EIF2AK3: variants seen among roughly 807,000 people sequenced by gnomAD.
EIF2AK3 encodes the protein eukaryotic translation initiation factor 2-alpha kinase 3.
A neutral mutation model predicts 113.5 loss-of-function variants in EIF2AK3; 50 were observed. The observed-to-expected ratio is 0.44, with a 90% CI of 0.35 to 0.56. The LOEUF is 0.56. Ranked by LOEUF, EIF2AK3 falls within the 20% of genes least tolerant of loss-of-function variation. The pLI is 0.00. For synonymous variants in EIF2AK3, 448 were observed against 495.4 expected (o/e 0.90, Z 1.27); for missense variants, 1,185 against 1,378.0 (o/e 0.86, Z 2.22).
intron 9 of EIF2AK3, among the ~76,000 whole-genome samples, chr2:88,585,167 TAGAG>T (rs1209556399): frequency 5.3e-5 from 8 of 152,028 alleles, no homozygotes; most frequent in Non-Finnish European, 8.8e-5. Flanking sequence ...AACTGACACA[TAGAG>T]AAGAAGAAAA....
At chr2:88,557,980 A>G (rs771437394) in intron 16 of EIF2AK3, 44 bp from the exon 17 acceptor site, 1 of 1,581,180 alleles carries the variant, frequency 6.3e-7, no homozygotes, top group Non-Finnish European at 8.7e-7. Context: ...GCCAGGTTTG[A>G]TCACTGTACA....
At chr2:88,593,456 T>G (rs749258911) in intron 3 of EIF2AK3, 51 bp from the exon 4 acceptor site, 24 of 1,600,000 alleles carry the variant, frequency 1.5e-5, no homozygotes, top group Non-Finnish European at 2.1e-5. Flanking sequence ...CAACTCATAA[T>G]AGATCAGAGA....
Position 88,627,415 on chromosome 2 carries a change from CT to C in EIF2AK3, c.-142del. 1.9e-6 allele frequency: 2 copies of C among 1,068,926 alleles called. No individual in the cohort carries two copies. The highest frequency in any genetic ancestry group is 2.4e-6 in the Non-Finnish European group (2 of 820,272). The allele number at this position is 1,068,926 out of a possible 1,614,324, so 66.2% of individuals were successfully genotyped here. On this transcript the variant is annotated 5_prime_UTR_variant, in exon 1 of 17. Transcript: ENST00000303236. Reference sequence around the variant, plus strand: ...GGCCTGGACAGCCAGCCGTGTTCCCCTGGCCACGTCTCAGCCCGGCCTCTGC... The same window carrying C: ...GGCCTGGACAGCCAGCCGTGTTCCCCGGCCACGTCTCAGCCCGGCCTCTGC...
chr2:88,606,586 C>G (rs1460311130), intron 2 of EIF2AK3, among the ~76,000 whole-genome samples: 1 of 152,108 alleles, frequency 6.6e-6, no homozygotes, highest in Non-Finnish European at 1.5e-5. Context: ...AGTTTGCGTG[C>G]AAATGAAAAA....
Position 88,557,508 on chromosome 2 carries a change from G to C in EIF2AK3, c.*228C>G, listed in dbSNP as rs1402020009. The C allele has an allele frequency of 7.0e-6, 4 of 570,462 alleles. No individual in the cohort carries two copies. 35.3% of individuals were successfully genotyped at this position (570,462 alleles called of 1,614,324 possible). ...GCTTGGCCAGCAGCCAGTTTCAAGA[G>C]ACTAACAAAGAACAAAGATAGCCCT... On this transcript the variant is annotated 3_prime_UTR_variant, in exon 17 of 17. Transcript: ENST00000303236.
At chr2:88,584,818 C>T (rs981137934) in intron 9 of EIF2AK3, among the ~76,000 whole-genome samples, 7 of 151,974 alleles carry the variant, frequency 4.6e-5, no homozygotes, top group South Asian at 2.1e-4. Flanking sequence ...CCAGGCTAAG[C>T]GAGAGCACGG....
intron 13 of EIF2AK3, chr2:88,574,419 C>T: frequency 1.8e-6 from 1 of 557,236 alleles, no homozygotes; most frequent in Non-Finnish European, 3.2e-6. Flanking sequence ...ACTGAGAATA[C>T]CTTTTACAGT....
chr2:88,570,883 G>A lies in EIF2AK3; in HGVS notation c.2976C>T (p.Ser992=), dbSNP rs1202883024. The A allele has an allele frequency of 6.2e-7, 1 of 1,614,120 alleles. No individual in the cohort carries two copies. Among genetic ancestry groups the A allele is most frequent in the Non-Finnish European group, 8.5e-7 (1 of 1,180,014 alleles). ...GGTCTGAAAAACTCACCTGCTCTGG[G>A]CTCATATACAGTTTGGTCCCTACTT... ...TGQVGTKLYM[S]PEQIHGNSYS... Residue 992 remains serine (S), a synonymous_variant, in exon 14 of 17, where the codon AGC becomes AGT. Coordinates refer to ENST00000303236, the MANE Select transcript of EIF2AK3 (RefSeq NM_004836.7).
In EIF2AK3 at chr2:88,613,713, A is replaced by G. The variant is rs773830302; in HGVS notation, c.438+11T>C. ...AAGTTTTCTAGTCAACAGTTAACAG[A>G]AAATTCTTACCTCTGGTTTGCTAAG... On this transcript the variant is annotated intron_variant, in intron 2 of 16. Transcript: ENST00000303236. 3.7e-6 allele frequency: 6 copies of G among 1,614,028 alleles called. No homozygotes were observed. The highest frequency in any genetic ancestry group is 5.1e-6 in the Non-Finnish European group (6 of 1,179,924).
intron 2 of EIF2AK3, among the ~76,000 whole-genome samples, chr2:88,611,120 C>T (rs1171605536): frequency 6.6e-6 from 1 of 152,108 alleles, no homozygotes; most frequent in African/African-American, 2.4e-5. Flanking sequence ...TATGAAGAGC[C>T]TGAGCTTGTA....
chr2:88,612,050 CAGTA>C (rs1675469977), intron 2 of EIF2AK3, among the ~76,000 whole-genome samples: 1 of 152,156 alleles, frequency 6.6e-6, no homozygotes, highest in African/African-American at 2.4e-5. Flanking sequence ...GAACTAAAGA[CAGTA>C]AGAATGTTGA....
intron 16 of EIF2AK3, 67 bp downstream of exon 16, chr2:88,558,850 A>G: frequency 7.8e-7 from 1 of 1,279,612 alleles, no homozygotes; most frequent in East Asian, 2.4e-5. Context: ...AACTGAGTCG[A>G]CTGCTAAGGA....
chr2:88,605,617 C>T (rs896873167), intron 2 of EIF2AK3, among the ~76,000 whole-genome samples: 2 of 152,062 alleles, frequency 1.3e-5, no homozygotes, highest in African/African-American at 4.8e-5. Flanking sequence ...TAAAGACAAT[C>T]AGTGCTAAAG....
rs1443211137 is a variant in EIF2AK3, at chr2:88,583,540, T to C, written c.1653A>G (p.Gln551=). 29 of 1,611,602 alleles carry C rather than the reference T, an allele frequency of 1.8e-5. No homozygotes were observed. The highest frequency in any genetic ancestry group is 2.4e-5 in the Non-Finnish European group (28 of 1,178,554). Residue 551 remains glutamine, a splice_region_variant and synonymous_variant, in exon 10 of 17, where the codon CAA becomes CAG. Coordinates refer to ENST00000303236, the MANE Select transcript of EIF2AK3 (RefSeq NM_004836.7). ...GACACTGAGTTTCAGACTCCTTCCT[T>C]TGCTGATAAGGTGAAAAACAAAATC... ...RRLFHPHPHR[Q]RKESETQCQT...
chr2:88,599,432 A>C (rs1053349144), intron 2 of EIF2AK3, among the ~76,000 whole-genome samples: 1 of 152,002 alleles, frequency 6.6e-6, no homozygotes, highest in Non-Finnish European at 1.5e-5. Flanking sequence ...AGGTCAGAGT[A>C]TGCACATACC....
Position 88,611,697 on chromosome 2 carries a change from C to A in EIF2AK3, c.438+2027G>T, listed in dbSNP as rs571057733. The stretch of plus-strand genomic sequence containing the variant: ...CTGGGCTGGTGCACAGTGGCACGAT[C>A]TTGGCTCGCTGCAACCTCCGCCTCC... On this transcript the variant is annotated intron_variant, in intron 2 of 16. Coordinates refer to ENST00000303236, the MANE Select transcript of EIF2AK3 (RefSeq NM_004836.7). Among the ~76,000 whole-genome samples, 8 of 152,284 alleles carry A rather than the reference C, an allele frequency of 5.3e-5. No homozygotes were observed. The East Asian group carries it at 1.5e-3, about 29-fold the overall frequency.
In EIF2AK3 at chr2:88,557,572, T is replaced by G; in HGVS notation, c.*164A>C. On this transcript the variant is annotated 3_prime_UTR_variant, in exon 17 of 17. Transcript: ENST00000303236. ...GCAAAACTCAGGAGTTGGCTCAAAT[T>G]AGGTTATGCCCCCAAATCCAGCTTA... 1 of 731,214 alleles carries G rather than the reference T, an allele frequency of 1.4e-6. No homozygotes were observed. The highest frequency in any genetic ancestry group is 2.4e-6 in the Non-Finnish European group (1 of 422,692). 45.3% of individuals were successfully genotyped at this position (731,214 alleles called of 1,614,324 possible). A position where few individuals can be genotyped will look rare whatever the true frequency, so the allele number is the denominator to read the frequency against.
intron 6 of EIF2AK3, among the ~76,000 whole-genome samples, chr2:88,589,629 T>C (rs1186708553): frequency 6.7e-6 from 1 of 150,032 alleles, no homozygotes; most frequent in African/African-American, 2.4e-5. Context: ...ATATTTTATA[T>C]GTAATTACAT....
At chr2:88,581,966 T>C (rs1674610616) in intron 10 of EIF2AK3, among the ~76,000 whole-genome samples, 1 of 152,094 alleles carries the variant, frequency 6.6e-6, no homozygotes, top group Non-Finnish European at 1.5e-5. Flanking sequence ...TCTAATATAT[T>C]ATAGCATGGT....
Sources: allele counts gnomAD v4.1 joint callset (sites outside exome capture counted in the v4.1 genomes callset), GRCh38; gene constraint gnomAD v4.1.1; transcripts MANE v1.5; gene names NCBI Gene and HGNC (gene_info 2026-07-23, HGNC 2026-07-21).